UCHL3: variants seen among roughly 807,000 people sequenced by gnomAD.
UCHL3 encodes the protein ubiquitin carboxyl-terminal hydrolase isozyme L3.
In UCHL3, 22 loss-of-function variants were observed where a neutral mutation model predicts 35.8. That is an observed-to-expected ratio of 0.61 (90% CI 0.44 to 0.88). The LOEUF is 0.88. UCHL3 is among the 40% of genes least tolerant of loss of function. The probability of loss-of-function intolerance (pLI) is 0.00; values close to 1 mark genes in which losing one functional copy is unlikely to be tolerated. For missense variants in UCHL3, 229 were observed against 276.9 expected, an observed-to-expected ratio of 0.83 and a Z score of 1.23; for synonymous variants, 90 against 92.8, an observed-to-expected ratio of 0.97 and a Z score of 0.17.
chr13:75,563,127 T>G (rs2181672), intron 3 of UCHL3, among the ~76,000 whole-genome samples: 1,037 of 56,406 alleles, frequency 0.018, 16 homozygotes, highest in African/African-American at 0.03. Flanking sequence ...TCATTATCCT[T>G]TATGTATGTA....
rs183348122 is a variant in UCHL3, at chr13:75,559,723, A to C, written c.55-1030A>C. On this transcript the variant is annotated intron_variant, in intron 2 of 8. Transcript: ENST00000377595. Reference sequence around the variant, plus strand: ...TTTTTTGTTTGTTTTTAATTTCAAAATTTCAGATGTTAGACCAGCAAATAC... The same window carrying C: ...TTTTTTGTTTGTTTTTAATTTCAAACTTTCAGATGTTAGACCAGCAAATAC... 2.0e-5 allele frequency among the ~76,000 whole-genome samples: 3 copies of C among 152,316 alleles called. No individual in the cohort carries two copies. In the East Asian group the frequency reaches 5.8e-4, roughly 29 times the overall value.
intron 3 of UCHL3, among the ~76,000 whole-genome samples, chr13:75,565,850 A>G (rs2031666023): frequency 6.6e-6 from 1 of 152,218 alleles, no homozygotes; most frequent in South Asian, 2.1e-4. Flanking sequence ...ACTGAGATAC[A>G]GAGACATTAA....
intron 6 of UCHL3, among the ~76,000 whole-genome samples, chr13:75,570,766 C>T (rs9543980): frequency 0.57 from 87,273 of 151,882 alleles, 26,890 homozygotes; most frequent in Non-Finnish European, 0.69. Context: ...AAAAATTAGC[C>T]AGGTGTGGTG....
At chr13:75,588,363 C>A (rs56383676) in intron 6 of UCHL3, among the ~76,000 whole-genome samples, 2 of 151,922 alleles carry the variant, frequency 1.3e-5, no homozygotes, top group African/African-American at 4.8e-5. Flanking sequence ...TTTATTTCCC[C>A]TTTTTATTCA....
chr13:75,556,729 A>G (rs908734583), intron 2 of UCHL3, among the ~76,000 whole-genome samples: 5 of 152,220 alleles, frequency 3.3e-5, no homozygotes, highest in African/African-American at 1.2e-4. Context: ...AGATGGTTAT[A>G]GACAGTTTGA....
chr13:75,593,093 A>G (rs1000542904), intron 6 of UCHL3, among the ~76,000 whole-genome samples: 2 of 152,164 alleles, frequency 1.3e-5, no homozygotes, highest in Non-Finnish European at 2.9e-5. Context: ...TTAAGAAGAG[A>G]TGGTGTTAAG....
At chr13:75,585,580 G>A (rs2032301054) in intron 6 of UCHL3, among the ~76,000 whole-genome samples, 1 of 152,036 alleles carries the variant, frequency 6.6e-6, no homozygotes, top group Non-Finnish European at 1.5e-5. Flanking sequence ...AAAGATTTAG[G>A]AAGCATTGAA....
chr13:75,593,450 A>G (rs1334711877), intron 6 of UCHL3, among the ~76,000 whole-genome samples: 1 of 152,190 alleles, frequency 6.6e-6, no homozygotes, highest in Admixed American at 6.5e-5. Context: ...TTCTAAGATG[A>G]TGGAAAATAC....
At chr13:75,589,595 C>T (rs1425165017) in intron 6 of UCHL3, among the ~76,000 whole-genome samples, 1 of 152,070 alleles carries the variant, frequency 6.6e-6, no homozygotes, top group Non-Finnish European at 1.5e-5. Context: ...ATATGCGTTA[C>T]ATGGTTTTTG....
rs571781348 is a variant in UCHL3 at position 75,554,103 on chromosome 13, G to T, written c.54+4116G>T. ...GACAGGGTCTTGTTCTATCTCCCAG[G>T]CAGGCTGGATTACAGTGGCACAATC... is the stretch of plus-strand genomic sequence containing the variant. On this transcript the variant is annotated intron_variant, in intron 2 of 8. Coordinates refer to ENST00000377595, the MANE Select transcript of UCHL3 (RefSeq NM_006002.5). 8.6e-5 allele frequency among the ~76,000 whole-genome samples: 13 copies of T among 151,986 alleles called. No homozygotes were observed. In the East Asian group the frequency reaches 2.3e-3, roughly 27 times the overall value.
upstream of UCHL3, chr13:75,549,722 G>T: frequency 7.4e-7 from 1 of 1,357,254 alleles, no homozygotes; most frequent in Non-Finnish European, 9.7e-7. Context: ...TCCTCCGGGC[G>T]GTGTGTTGGG....
chr13:75,592,263 A>G (rs984007191), intron 6 of UCHL3, among the ~76,000 whole-genome samples: 6 of 150,588 alleles, frequency 4.0e-5, no homozygotes, highest in Non-Finnish European at 8.9e-5. Context: ...TTGGAAGTCA[A>G]TGGTACTATT....
intron 7 of UCHL3, among the ~76,000 whole-genome samples, chr13:75,600,790 G>T (rs766472028): frequency 1.3e-5 from 2 of 152,158 alleles, no homozygotes; most frequent in Non-Finnish European, 2.9e-5. Context: ...TTCATTTCTT[G>T]TTATTTAAGA....
chr13:75,590,995 G>A (rs1195957122), intron 6 of UCHL3, among the ~76,000 whole-genome samples: 1 of 152,118 alleles, frequency 6.6e-6, no homozygotes, highest in Non-Finnish European at 1.5e-5. Flanking sequence ...GTTTGGCAGA[G>A]CCTCCCTAGA....
At position 75,574,010 on chromosome 13, in the gene UCHL3, GA is replaced by G. The variant is rs547156034; in HGVS notation, c.474+4504del. Among the ~76,000 whole-genome samples the G allele has an allele frequency of 2.8e-3, 433 of 152,310 alleles. 3 individuals are homozygous for G. The highest frequency in any genetic ancestry group is 5.2e-3 in the Non-Finnish European group (357 of 68,030). On this transcript the variant is annotated intron_variant, in intron 6 of 8. Coordinates refer to ENST00000377595, the MANE Select transcript of UCHL3 (RefSeq NM_006002.5). Reference sequence around the variant, plus strand: ...AGGCGGGCAGATCACAAGGTCAGGAGATCGAGGCCATCCTGGCTAACACAGT... The same window carrying G: ...AGGCGGGCAGATCACAAGGTCAGGAGTCGAGGCCATCCTGGCTAACACAGT...
chr13:75,584,426 A>C (rs1023030631), intron 6 of UCHL3, among the ~76,000 whole-genome samples: 1 of 152,246 alleles, frequency 6.6e-6, no homozygotes, highest in African/African-American at 2.4e-5. Flanking sequence ...GTTATGCCAG[A>C]TAAATTTTAA....
intron 3 of UCHL3, 110 bp from the exon 4 acceptor site, chr13:75,566,585 C>A: frequency 1.5e-6 from 1 of 680,492 alleles, no homozygotes; most frequent in Non-Finnish European, 2.2e-6. Flanking sequence ...TATTTTAAAC[C>A]CTTTCTTTCA....
chr13:75,593,673 CTGGCT>C (rs2032570747), intron 6 of UCHL3, among the ~76,000 whole-genome samples: 1 of 152,188 alleles, frequency 6.6e-6, no homozygotes, highest in Non-Finnish European at 1.5e-5. Context: ...GCTAGAAGAG[CTGGCT>C]TGCCACATCA....
chr13:75,552,985 G>C (rs2031166337), intron 2 of UCHL3, among the ~76,000 whole-genome samples: 1 of 152,058 alleles, frequency 6.6e-6, no homozygotes, highest in Non-Finnish European at 1.5e-5. Context: ...TATTGAGGAG[G>C]CAAAATATTT....
Sources: gnomAD v4.1 joint callset for allele counts (sites outside exome capture counted in the v4.1 genomes callset) on GRCh38, gnomAD v4.1.1 for gene constraint, MANE v1.5 for transcripts, NCBI Gene and HGNC (gene_info 2026-07-23, HGNC 2026-07-21) for gene names.